GREB1: variants seen among roughly 807,000 people sequenced by gnomAD.
The protein encoded by GREB1 is protein GREB1.
GREB1 carries 106 observed loss-of-function variants against 200.7 expected under a neutral mutation model. That is an observed-to-expected ratio of 0.53 (90% CI 0.45 to 0.62). The LOEUF (loss-of-function observed/expected upper bound fraction) is 0.62, where lower values mean the gene tolerates loss of function less well. Among genes scored for constraint, GREB1 ranks in the 20% least tolerant of loss-of-function variants. The probability of loss-of-function intolerance (pLI) is 0.00; values close to 1 mark genes in which losing one functional copy is unlikely to be tolerated. For synonymous variants in GREB1, 1,132 were observed against 1,092.4 expected (o/e 1.04, Z -0.72); for missense variants, 2,243 against 2,556.8 (o/e 0.88, Z 2.65).
chr2:11,634,417 C>G (rs981405539), intron 29 of GREB1, 68 bp downstream of exon 29: 28 of 1,290,336 alleles, frequency 2.2e-5, no homozygotes, highest in Non-Finnish European at 3.0e-5. Context: ...GTGAGGGCAG[C>G]CTGGGGCTGC....
chr2:11,605,568 A>G (rs565128165), intron 17 of GREB1, among the ~76,000 whole-genome samples: 1 of 152,226 alleles, frequency 6.6e-6, no homozygotes, highest in South Asian at 2.1e-4. Flanking sequence ...CCACGTATAG[A>G]CTGGTCACCA....
At chr2:11,567,902 T>C (rs1252366508) in intron 4 of GREB1, among the ~76,000 whole-genome samples, 1 of 152,158 alleles carries the variant, frequency 6.6e-6, no homozygotes, top group African/African-American at 2.4e-5. Context: ...TGCGTCCTCA[T>C]CCATGAAGCG....
chr2:11,503,723 G>A (rs6719009), intron 1 of GREB1, among the ~76,000 whole-genome samples: 146,360 of 152,314 alleles, frequency 0.96, 70,553 homozygotes, highest in South Asian at 1. Flanking sequence ...ATGATGATTC[G>A]AGCTTTGATT....
chr2:11,560,747 T>A (rs1274044147), intron 2 of GREB1, among the ~76,000 whole-genome samples: 2 of 151,530 alleles, frequency 1.3e-5, no homozygotes, highest in Middle Eastern at 3.2e-3. Flanking sequence ...CCTGGCCCAG[T>A]GTGTTTAAGG....
intron 17 of GREB1, among the ~76,000 whole-genome samples, chr2:11,606,674 G>C (rs770160168): frequency 5.9e-5 from 9 of 151,658 alleles, no homozygotes; most frequent in Non-Finnish European, 1.3e-4. Context: ...TTCGTTTCTT[G>C]TAGGCAGCTT....
intron 1 of GREB1, among the ~76,000 whole-genome samples, chr2:11,541,566 C>T (rs2148524655): frequency 6.6e-6 from 1 of 152,264 alleles, no homozygotes; most frequent in South Asian, 2.1e-4. Context: ...CTTTCCAAAG[C>T]CCGAGGTCAG....
chr2:11,631,995 C>T lies in GREB1; in HGVS notation c.4698C>T (p.Asp1566=), dbSNP rs768518921. The T allele has an allele frequency of 2.9e-5, 47 of 1,613,594 alleles. No homozygotes were observed. In the East Asian group the frequency reaches 6.0e-4, roughly 21 times the overall value. The stretch of plus-strand genomic sequence containing the variant: ...TCTTTAATCTGTACCACGCAATGGA[C>T]GGTGCCAGCCATTTGCACGTGCTGG... ...HGLFNLYHAM[D]GASHLHVLVV... The change falls in exon 27 of 33, where the codon GAC becomes GAT. Residue 1566 remains aspartate, a synonymous_variant. Coordinates refer to ENST00000381486, the MANE Select transcript of GREB1 (RefSeq NM_014668.4).
chr2:11,541,452 GC>G lies in GREB1; in HGVS notation c.-162+7200del, dbSNP rs11287340. Reference sequence around the variant, plus strand: ...TGAGTGGATGGCAAGTGAGAGGGGGGCCATGGGGATCGGAACACTTGGCATC... The same window carrying G: ...TGAGTGGATGGCAAGTGAGAGGGGGGCATGGGGATCGGAACACTTGGCATC... On this transcript the variant is annotated intron_variant, in intron 1 of 32. Coordinates refer to ENST00000381486, the MANE Select transcript of GREB1 (RefSeq NM_014668.4). Among the ~76,000 whole-genome samples the G allele has an allele frequency of 3.9e-5, 6 of 151,976 alleles. No individual in the cohort carries two copies. The East Asian group carries it at 9.7e-4, about 25-fold the overall frequency.
At chr2:11,523,577 A>T (rs1572588021) in intron 1 of GREB1, among the ~76,000 whole-genome samples, 2 of 152,218 alleles carry the variant, frequency 1.3e-5, no homozygotes, top group East Asian at 3.9e-4. Context: ...CGACACAGAG[A>T]TCTGCAGAGC....
At chr2:11,587,693 TAACACACACACACACACACA>T (rs1333727762) in intron 9 of GREB1, 13 of 980,314 alleles carry the variant, frequency 1.3e-5, no homozygotes, top group African/African-American at 7.6e-5. Context: ...GAGTACAAGA[TAACACACACACACACACACA>T]CACACACACA....
intron 17 of GREB1, among the ~76,000 whole-genome samples, chr2:11,605,176 TACGCAGCAGC>T (rs1558621351): frequency 4.5e-4 from 64 of 140,776 alleles, no homozygotes; most frequent in South Asian, 6.8e-4. Flanking sequence ...TTTTTTTTTT[TACGCAGCAGC>T]TTTAATGGGG....
intron 1 of GREB1, among the ~76,000 whole-genome samples, chr2:11,502,584 C>T (rs1052532082): frequency 6.6e-6 from 1 of 151,970 alleles, no homozygotes; most frequent in Non-Finnish European, 1.5e-5. Flanking sequence ...CATATATTTG[C>T]TCCTTTAGTA....
chr2:11,618,603 A>C lies in GREB1; in HGVS notation c.3728A>C (p.Gln1243Pro). The change falls in exon 22 of 33, where the codon CAG (glutamine) becomes CCG (proline). Residue 1243 changes from glutamine (Q) to proline (P), a missense_variant. Coordinates refer to ENST00000381486, the MANE Select transcript of GREB1 (RefSeq NM_014668.4). ...CCCGCTGCCGGCACGTGGGTCCTGC[A>C]GGCCTCCCAGTGCTCCTTGACCAAG... ...VAPAAGTWVL[Q>P]ASQCSLTKAC... The C allele has an allele frequency of 6.2e-7, 1 of 1,613,086 alleles. No homozygotes were observed. Among genetic ancestry groups the C allele is most frequent in the Non-Finnish European group, 8.5e-7 (1 of 1,179,882 alleles).
In GREB1 at chr2:11,640,453, G is replaced by A; in HGVS notation, c.5849G>A (p.Ter1950=). 1 of 1,614,100 alleles carries A rather than the reference G, an allele frequency of 6.2e-7. No individual in the cohort carries two copies. Residue 1950 remains the stop codon, a stop_retained_variant, in exon 33 of 33, where the codon TGA becomes TAA. Transcript: ENST00000381486. The surrounding 1 kb of genome is among the most constrained non-coding windows in gnomAD (Gnocchi z 4.6). ...PLFFLTGRHI[*] ...TTTTTTCTGACGGGACGACACATCT[G>A]AGGAAGACAGCGGCGAGTTTTCTGA... is the stretch of plus-strand genomic sequence containing the variant.
At chr2:11,630,361 T>C (rs1684787704) in intron 26 of GREB1, among the ~76,000 whole-genome samples, 1 of 152,232 alleles carries the variant, frequency 6.6e-6, no homozygotes, top group Non-Finnish European at 1.5e-5. Context: ...CATTGTTACA[T>C]TGGAGAGTAG....
At chr2:11,634,389 G>T (rs1176938190) in intron 29 of GREB1, 40 bp downstream of exon 29, 4 of 1,530,188 alleles carry the variant, frequency 2.6e-6, no homozygotes, top group East Asian at 2.3e-5. Flanking sequence ...CGGCAGCCCT[G>T]GGGGCGCAGA....
In GREB1 at chr2:11,597,785, C is replaced by T; in HGVS notation, c.1959C>T (p.Tyr653=). 6.2e-7 allele frequency: 1 copy of T among 1,614,004 alleles called. No individual in the cohort carries two copies. The highest frequency in any genetic ancestry group is 8.5e-7 in the Non-Finnish European group (1 of 1,179,902). ...ATCCTGGGGCTCTGGTTCCAGGTTA[C>T]AATCTGGAGCCACACAGCATCCGGC... ...DVSGTPVCTS[Y]NLEPHSIRPF... Residue 653 remains tyrosine, a synonymous_variant, in exon 14 of 33, where the codon TAC becomes TAT. Coordinates refer to ENST00000381486, the MANE Select transcript of GREB1 (RefSeq NM_014668.4). This position sits in a 1 kb window ranked among gnomAD's most constrained non-coding sequence, Gnocchi z 4.1.
intron 22 of GREB1, among the ~76,000 whole-genome samples, chr2:11,619,801 C>T (rs1683847991): frequency 6.6e-6 from 1 of 152,004 alleles, no homozygotes; most frequent in South Asian, 2.1e-4. Flanking sequence ...AGATTTTTGT[C>T]CTTTGTCTAT....
Position 11,566,570 on chromosome 2 carries a change from A to G in GREB1, c.368A>G (p.Lys123Arg), listed in dbSNP as rs1321075982. The G allele has an allele frequency of 6.2e-7, 1 of 1,613,938 alleles. No individual in the cohort carries two copies. Among genetic ancestry groups the G allele is most frequent in the Non-Finnish European group, 8.5e-7 (1 of 1,179,916 alleles). The change falls in exon 4 of 33, where the codon AAG (lysine) becomes AGG (arginine). Residue 123 changes from lysine (K) to arginine (R), a missense_variant. Physicochemically the swap from Lys to Arg is conservative, Grantham distance 26. Coordinates refer to ENST00000381486, the MANE Select transcript of GREB1 (RefSeq NM_014668.4). ...GCGGGCTTTCTCCTCGTGGGGGTCA[A>G]GTCCCCCAGCCTGCCGGACCATCTC... ...VPAGFLLVGV[K>R]SPSLPDHLLV...
Sources: allele counts gnomAD v4.1 joint callset (sites outside exome capture counted in the v4.1 genomes callset), GRCh38; gene constraint gnomAD v4.1.1; non-coding constraint Gnocchi (gnomAD v3.1); transcripts MANE v1.5; gene names NCBI Gene and HGNC (gene_info 2026-07-23, HGNC 2026-07-21).